DYNC1LI1: variants seen among roughly 807,000 people sequenced by gnomAD.
DYNC1LI1 encodes the protein cytoplasmic dynein 1 light intermediate chain 1.
DYNC1LI1 carries 19 observed loss-of-function variants against 63.8 expected under a neutral mutation model. The ratio of observed to expected loss-of-function variants is 0.30; its 90% CI spans 0.21 to 0.44. DYNC1LI1 has a LOEUF of 0.44. Ranked by LOEUF, DYNC1LI1 falls within the 20% of genes least tolerant of loss-of-function variation. The pLI is 1.00. For synonymous variants in DYNC1LI1, 225 were observed against 232.3 expected, an observed-to-expected ratio of 0.97 and a Z score of 0.28; for missense variants, 565 against 630.2, an observed-to-expected ratio of 0.90 and a Z score of 1.11.
At chr3:32,565,269 A>G (rs1028270287) in intron 2 of DYNC1LI1, among the ~76,000 whole-genome samples, 7 of 152,366 alleles carry the variant, frequency 4.6e-5, no homozygotes, top group African/African-American at 1.7e-4. Flanking sequence ...AAATTCAAAT[A>G]GCCGGATTTA....
chr3:32,550,211 C>A (rs9853539), intron 2 of DYNC1LI1, among the ~76,000 whole-genome samples: 4,611 of 152,240 alleles, frequency 0.03, 239 homozygotes, highest in African/African-American at 0.11. Context: ...GCGGGTGGAT[C>A]ACCTTAAGTC....
In DYNC1LI1 at chr3:32,545,104, G is replaced by T; in HGVS notation, c.340C>A (p.Gln114Lys). 6.2e-7 allele frequency: 1 copy of T among 1,602,216 alleles called. No homozygotes were observed. Among genetic ancestry groups the T allele is most frequent in the South Asian group, 1.1e-5 (1 of 90,726 alleles). ...AAGATCCAAACATTACATCTTGTTTGATCTACAACAGACAAAACAAAGTAA... is the reference window on the plus strand; with the variant it reads ...AAGATCCAAACATTACATCTTGTTTTATCTACAACAGACAAAACAAAGTAA... The part of the protein sequence containing the change: ...LNVHDEDRDD[Q>K]TRCNVWILDG... Residue 114 changes from glutamine (Q) to lysine (K), a missense_variant and splice_region_variant, in exon 4 of 13, where the codon CAA becomes AAA. Transcript: ENST00000273130.
At chr3:32,567,995 G>A (rs1698292213) in intron 2 of DYNC1LI1, among the ~76,000 whole-genome samples, 1 of 152,028 alleles carries the variant, frequency 6.6e-6, no homozygotes, top group African/African-American at 2.4e-5. Flanking sequence ...GAGCTGCCGT[G>A]CCAGGCCAAT....
intron 4 of DYNC1LI1, among the ~76,000 whole-genome samples, chr3:32,542,668 G>A (rs985139112): frequency 6.6e-6 from 1 of 152,158 alleles, no homozygotes; most frequent in African/African-American, 2.4e-5. Context: ...GCCTCCCCAA[G>A]TGTTGGGATT....
intron 2 of DYNC1LI1, among the ~76,000 whole-genome samples, chr3:32,552,641 T>C (rs1324385567): frequency 1.3e-5 from 2 of 152,180 alleles, no homozygotes; most frequent in South Asian, 2.1e-4. Context: ...AAAAAGCACA[T>C]GTGACAAACG....
rs202204955 is a variant in DYNC1LI1, at chr3:32,528,647, T to G, written c.1307-46A>C. ...AAAAAGCTTTAGCCAAAACATAAGA[T>G]TCTTCCTTAAATTATTATTACAGTA... On this transcript the variant is annotated intron_variant, in intron 11 of 12. Coordinates refer to ENST00000273130, the MANE Select transcript of DYNC1LI1 (RefSeq NM_016141.4). The G allele has an allele frequency of 9.5e-5, 147 of 1,539,562 alleles. No homozygotes were observed. In the East Asian group the frequency reaches 2.6e-3, roughly 27 times the overall value.
chr3:32,526,752 G>A lies in DYNC1LI1; in HGVS notation c.*47C>T. On this transcript the variant is annotated 3_prime_UTR_variant, in exon 13 of 13. Coordinates refer to ENST00000273130, the MANE Select transcript of DYNC1LI1 (RefSeq NM_016141.4). ...CTTTTGAAGGAAAAGGCAGAGGCAT[G>A]TTTACATTATCCCAGAAAACAGAAT... is the stretch of plus-strand genomic sequence containing the variant. 1 of 1,420,400 alleles carries A rather than the reference G, an allele frequency of 7.0e-7. No individual in the cohort carries two copies. The allele number at this position is 1,420,400 out of a possible 1,614,324, so 88.0% of individuals were successfully genotyped here.
intron 12 of DYNC1LI1, 124 bp downstream of exon 12, chr3:32,528,322 G>A (rs373426422): frequency 1.6e-5 from 16 of 1,005,318 alleles, no homozygotes; most frequent in East Asian, 1.1e-4. Context: ...AGATTATGGT[G>A]ATGGCCTGCC....
At chr3:32,553,800 A>G (rs1017628276) in intron 2 of DYNC1LI1, among the ~76,000 whole-genome samples, 2 of 152,226 alleles carry the variant, frequency 1.3e-5, no homozygotes, top group African/African-American at 4.8e-5. Flanking sequence ...ACCTTATCCA[A>G]GTTCACACAG....
chr3:32,529,776 C>G, intron 10 of DYNC1LI1, 116 bp from the exon 11 acceptor site: 1 of 847,152 alleles, frequency 1.2e-6, no homozygotes, highest in Non-Finnish European at 1.7e-6. Context: ...GGTACTTTTA[C>G]ACTGCAAGCC....
At chr3:32,539,329 A>T (rs973344838) in intron 5 of DYNC1LI1, among the ~76,000 whole-genome samples, 1 of 152,196 alleles carries the variant, frequency 6.6e-6, no homozygotes, top group Admixed American at 6.5e-5. Context: ...GCTAGGTTTT[A>T]GATTTTTTAA....
At position 32,534,655 on chromosome 3, in the gene DYNC1LI1, T is replaced by C; in HGVS notation, c.833-9A>G. Reference sequence around the variant, plus strand: ...AATAAGTGCTGCACCATCTGAATAATATGGTTAAAGAAAAATTCTGGACAA... The same window carrying C: ...AATAAGTGCTGCACCATCTGAATAACATGGTTAAAGAAAAATTCTGGACAA... On this transcript the variant is annotated splice_polypyrimidine_tract_variant and intron_variant, in intron 6 of 12. Transcript: ENST00000273130. The C allele has an allele frequency of 6.5e-7, 1 of 1,529,516 alleles. No individual in the cohort carries two copies. The highest frequency in any genetic ancestry group is 8.7e-7 in the Non-Finnish European group (1 of 1,143,170). The allele number at this position is 1,529,516 out of a possible 1,614,324, so 94.7% of individuals were successfully genotyped here. A position where few individuals can be genotyped will look rare whatever the true frequency, so the allele number is the denominator to read the frequency against.
intron 12 of DYNC1LI1, among the ~76,000 whole-genome samples, chr3:32,527,117 G>A (rs1183124300): frequency 6.6e-6 from 1 of 152,130 alleles, no homozygotes; most frequent in African/African-American, 2.4e-5. Flanking sequence ...CAAGGTGGGA[G>A]GATCACTTCA....
At chr3:32,551,455 C>T (rs1039406677) in intron 2 of DYNC1LI1, among the ~76,000 whole-genome samples, 2 of 152,164 alleles carry the variant, frequency 1.3e-5, no homozygotes, top group Non-Finnish European at 2.9e-5. Flanking sequence ...GAGGCCAGAT[C>T]ATGAAAGGCA....
chr3:32,562,970 T>C (rs1698212996), intron 2 of DYNC1LI1, among the ~76,000 whole-genome samples: 1 of 152,104 alleles, frequency 6.6e-6, no homozygotes. Flanking sequence ...CTTAGCAAAA[T>C]TGTACTCAGA....
In DYNC1LI1 at chr3:32,539,859, G is replaced by GTATT. The variant is rs1194144951; in HGVS notation, c.738+1174_738+1177dup. 8.1e-5 allele frequency among the ~76,000 whole-genome samples: 12 copies of GTATT among 147,526 alleles called. No individual in the cohort carries two copies. The South Asian group carries it at 8.6e-4, about 11-fold the overall frequency. On this transcript the variant is annotated intron_variant, in intron 5 of 12. Coordinates refer to ENST00000273130, the MANE Select transcript of DYNC1LI1 (RefSeq NM_016141.4). Reference sequence around the variant, plus strand: ...TGATCTATTAATTATTTTTATTTATGTATTTATTTATTTATTTAATTTTGA... The same window carrying GTATT: ...TGATCTATTAATTATTTTTATTTATGTATTTATTTATTTATTTATTTAATTTTGA...
At chr3:32,537,974 T>TTA (rs56907307) in intron 5 of DYNC1LI1, among the ~76,000 whole-genome samples, 287 of 20,478 alleles carry the variant, frequency 0.014, 32 homozygotes, top group African/African-American at 0.022. Flanking sequence ...ATATATATAT[T>TTA]TATATATAAT....
At chr3:32,566,828 T>C in intron 2 of DYNC1LI1, 1 of 317,506 alleles carries the variant, frequency 3.1e-6, no homozygotes, top group Non-Finnish European at 6.2e-6. Context: ...AAAATGCAGT[T>C]CTTAAAAAAA....
chr3:32,531,732 T>C (rs1367546987), intron 8 of DYNC1LI1: 1 of 152,198 alleles, frequency 6.6e-6, no homozygotes, highest in Non-Finnish European at 1.5e-5. Context: ...ATTATGAGTG[T>C]TTGGATTCTG....
Sources: allele counts gnomAD v4.1 joint callset (sites outside exome capture counted in the v4.1 genomes callset), GRCh38; gene constraint gnomAD v4.1.1; transcripts MANE v1.5; gene names NCBI Gene and HGNC (gene_info 2026-07-23, HGNC 2026-07-21).